CAPZB: variants seen among roughly 807,000 people sequenced by gnomAD.
CAPZB encodes F-actin-capping protein subunit beta.
Under a neutral mutation model 38.1 loss-of-function variants are expected in CAPZB, and 2 were observed. The ratio of observed to expected loss-of-function variants is 0.05; its 90% CI spans 0.02 to 0.17. The LOEUF (loss-of-function observed/expected upper bound fraction) is 0.17. CAPZB is among the 10% of genes least tolerant of loss of function. The pLI is 1.00. For missense variants in CAPZB, 161 were observed against 334.2 expected (o/e 0.48, Z 4.04); for synonymous variants, 107 against 127.4 (o/e 0.84, Z 1.08).
chr1:19,428,618 T>G (rs187477702), intron 1 of CAPZB, among the ~76,000 whole-genome samples: 11 of 152,366 alleles, frequency 7.2e-5, no homozygotes, highest in African/African-American at 2.6e-4. Context: ...CAATTTCATC[T>G]GAGTCCTGCT....
chr1:19,390,395 A>T (rs1433713181), intron 2 of CAPZB, among the ~76,000 whole-genome samples: 2 of 152,226 alleles, frequency 1.3e-5, no homozygotes, highest in Non-Finnish European at 2.9e-5. Context: ...TTCTGTCTAA[A>T]CCACCCATCT....
At chr1:19,367,333 C>T (rs970163945) in intron 4 of CAPZB, among the ~76,000 whole-genome samples, 3 of 152,244 alleles carry the variant, frequency 2.0e-5, no homozygotes, top group African/African-American at 7.2e-5. Flanking sequence ...AAGCACTCAA[C>T]AAGTGGTGGC....
chr1:19,385,622 G>C lies in CAPZB; in HGVS notation c.98C>G (p.Pro33Arg). The part of the protein sequence containing the change: ...KNLSDLIDLV[P>R]SLCEDLLSSV... ...AGACAGGAGATCCTCACATAGACTG[G>C]GGACCTGGCAGAGAGAAAGGACAAG... Residue 33 changes from proline (P) to arginine (R), a missense_variant, in exon 3 of 9, where the codon CCC (proline) becomes CGC (arginine). Physicochemically the swap from Pro to Arg is moderately radical, Grantham distance 103. Transcript: ENST00000264202. The C allele has an allele frequency of 6.2e-7, 1 of 1,614,158 alleles. No individual in the cohort carries two copies. Among genetic ancestry groups the C allele is most frequent in the South Asian group, 1.1e-5 (1 of 91,080 alleles).
chr1:19,452,793 C>CTT lies in CAPZB; in HGVS notation c.3+32641_3+32642dup, dbSNP rs34430556. 2.1e-3 allele frequency among the ~76,000 whole-genome samples: 248 copies of CTT among 118,426 alleles called. 2 individuals are homozygous for CTT. The highest frequency in any genetic ancestry group is 7.3e-3 in the African/African-American group (236 of 32,342). The allele number at this position is 118,426 out of a possible 152,430, so 77.7% of individuals were successfully genotyped here. A position where few individuals can be genotyped will look rare whatever the true frequency, so the allele number is the denominator to read the frequency against. ...CTTCGGCAGTCAGAATAATTTCTTTCTTTTTTTTTTTTTTTTTTGTCTTTT... is the reference window on the plus strand; with the variant it reads ...CTTCGGCAGTCAGAATAATTTCTTTCTTTTTTTTTTTTTTTTTTTTGTCTTTT... On this transcript the variant is annotated intron_variant, in intron 1 of 8. Coordinates refer to ENST00000264202, the MANE Select transcript of CAPZB (RefSeq NM_004930.5).
chr1:19,484,260 C>A (rs763797280), intron 1 of CAPZB: 4 of 1,612,278 alleles, frequency 2.5e-6, no homozygotes, highest in Non-Finnish European at 3.4e-6. Flanking sequence ...GAAGGGGAGG[C>A]TGCGCCTGCT....
intron 4 of CAPZB, among the ~76,000 whole-genome samples, chr1:19,361,223 C>T (rs1054464340): frequency 3.3e-5 from 5 of 152,210 alleles, no homozygotes; most frequent in African/African-American, 1.2e-4. Flanking sequence ...TTAGAGGCGG[C>T]GTGGTCAATC....
intron 1 of CAPZB, among the ~76,000 whole-genome samples, chr1:19,474,560 C>A (rs1261456658): frequency 6.6e-6 from 1 of 152,130 alleles, no homozygotes; most frequent in Non-Finnish European, 1.5e-5. Flanking sequence ...ACTTCACATG[C>A]CTTAGAATCA....
At chr1:19,340,910 T>A (rs1211355987) in intron 8 of CAPZB, among the ~76,000 whole-genome samples, 1 of 151,854 alleles carries the variant, frequency 6.6e-6, no homozygotes, top group African/African-American at 2.4e-5. Flanking sequence ...GAGAGTGCAC[T>A]CAGCCGGACT....
chr1:19,348,295 G>C (rs1248638238), intron 6 of CAPZB, among the ~76,000 whole-genome samples: 1 of 151,926 alleles, frequency 6.6e-6, no homozygotes, highest in Non-Finnish European at 1.5e-5. Flanking sequence ...AAAAGACAAG[G>C]AGGTCTTGCT....
At chr1:19,390,268 T>C (rs182917772) in intron 2 of CAPZB, among the ~76,000 whole-genome samples, 2 of 152,226 alleles carry the variant, frequency 1.3e-5, no homozygotes, top group Admixed American at 1.3e-4. Context: ...AAACGACAGG[T>C]CCAAACAAAG....
chr1:19,385,371 CAGGGAACA>C (rs752062221), intron 3 of CAPZB, 126 bp downstream of exon 3: 87 of 859,182 alleles, frequency 1.0e-4, no homozygotes, highest in Admixed American at 7.1e-4. Flanking sequence ...GAGAGGAGGG[CAGGGAACA>C]AACGGAAGGA....
At chr1:19,348,623 G>A (rs947185548) in intron 6 of CAPZB, among the ~76,000 whole-genome samples, 3 of 152,156 alleles carry the variant, frequency 2.0e-5, no homozygotes, top group East Asian at 1.9e-4. Flanking sequence ...AGGGGGGACC[G>A]AGCAGTGAGA....
Position 19,339,636 on chromosome 1 carries a change from G to C in CAPZB, c.732-19C>G, listed in dbSNP as rs777831560. 1.9e-6 allele frequency: 3 copies of C among 1,581,612 alleles called. No homozygotes were observed. Among genetic ancestry groups the C allele is most frequent in the Admixed American group, 1.7e-5 (1 of 59,972 alleles). On this transcript the variant is annotated intron_variant, in intron 8 of 8. Coordinates refer to ENST00000264202, the MANE Select transcript of CAPZB (RefSeq NM_004930.5). ...CACAGACCTGCAAGGGAGGAAAGGCGTTATCAGCAGATTGAACAGGGACTG... is the reference window on the plus strand; with the variant it reads ...CACAGACCTGCAAGGGAGGAAAGGCCTTATCAGCAGATTGAACAGGGACTG...
chr1:19,412,389 A>T (rs547355335), intron 2 of CAPZB, among the ~76,000 whole-genome samples: 1 of 152,236 alleles, frequency 6.6e-6, no homozygotes, highest in East Asian at 1.9e-4. Flanking sequence ...TGGAAAAAGC[A>T]TTTTTTTAAT....
At chr1:19,448,696 G>T in intron 1 of CAPZB, 1 of 1,119,402 alleles carries the variant, frequency 8.9e-7, no homozygotes. Context: ...CACATTTCCT[G>T]GGGGTAGACT....
At chr1:19,460,728 C>A (rs1016356386) in intron 1 of CAPZB, among the ~76,000 whole-genome samples, 7 of 151,960 alleles carry the variant, frequency 4.6e-5, no homozygotes, top group African/African-American at 1.5e-4. Flanking sequence ...GTACTAACCG[C>A]AGTTTCAGGC....
At chr1:19,467,976 G>A (rs543767438) in intron 1 of CAPZB, among the ~76,000 whole-genome samples, 17 of 152,242 alleles carry the variant, frequency 1.1e-4, no homozygotes, top group Non-Finnish European at 2.1e-4. Flanking sequence ...AGTGGCTCAC[G>A]CCTGTAATCC....
chr1:19,368,662 CTTTT>C (rs55649494), intron 4 of CAPZB, among the ~76,000 whole-genome samples: 3 of 132,382 alleles, frequency 2.3e-5, no homozygotes, highest in Non-Finnish European at 4.8e-5. Flanking sequence ...GCAAGAATGC[CTTTT>C]TTTTTTTTTT....
chr1:19,363,250 TA>T (rs1316145411), intron 4 of CAPZB, among the ~76,000 whole-genome samples: 1,229 of 119,804 alleles, frequency 0.01, 30 homozygotes, highest in African/African-American at 0.035. Context: ...CATGGCTAAT[TA>T]AAAAAAAAAT....
Sources: allele counts gnomAD v4.1 joint callset (sites outside exome capture counted in the v4.1 genomes callset), GRCh38; gene constraint gnomAD v4.1.1; transcripts MANE v1.5; gene names NCBI Gene and HGNC (gene_info 2026-07-23, HGNC 2026-07-21).